ATE1: variants seen among roughly 807,000 people sequenced by gnomAD.
The protein encoded by ATE1 is arginyl-tRNA--protein transferase 1.
In ATE1, 36 loss-of-function variants were observed where a neutral mutation model predicts 70.5. The observed-to-expected ratio is 0.51, with a 90% confidence interval of 0.39 to 0.67. The LOEUF is 0.67. Among genes scored for constraint, ATE1 ranks in the 30% least tolerant of loss-of-function variants. ATE1 has a pLI of 0.00. For missense variants in ATE1, 593 were observed against 629.5 expected (o/e 0.94, Z 0.62); for synonymous variants, 232 against 219.3 (o/e 1.06, Z -0.51).
At chr10:121,858,201 T>C (rs558514147) in intron 8 of ATE1, among the ~76,000 whole-genome samples, 158 of 152,314 alleles carry the variant, frequency 1.0e-3, no homozygotes, top group Admixed American at 3.7e-3. Context: ...ACAAGTGGAA[T>C]TGCCAGATGA....
rs575175908 is a variant in ATE1 at position 121,743,795 on chromosome 10, G to C, written c.1442C>G (p.Pro481Arg). 1.2e-6 allele frequency: 2 copies of C among 1,614,062 alleles called. No individual in the cohort carries two copies. Among genetic ancestry groups the C allele is most frequent in the South Asian group, 2.2e-5 (2 of 91,082 alleles). ...LQVFHKRAIM[P>R]YGVYKKQQKD... ...CTGCTGTTTCTTATAAACACCGTAAGGCATGATGGCTCTCTTGTGAAACAC... is the reference window on the plus strand; with the variant it reads ...CTGCTGTTTCTTATAAACACCGTAACGCATGATGGCTCTCTTGTGAAACAC... Residue 481 changes from proline to arginine, a missense_variant, in exon 12 of 12, where the codon CCT becomes CGT. By Grantham distance (103) the Pro-to-Arg change is moderately radical. Around this residue, in one of 3 missense-constraint regions of ATE1, gnomAD observed 90 missense variants for 93.7 expected, o/e 0.96. Coordinates refer to ENST00000224652, the MANE Select transcript of ATE1 (RefSeq NM_001001976.3).
At chr10:121,874,637 G>C (rs7922057) in intron 7 of ATE1, among the ~76,000 whole-genome samples, 11,464 of 152,128 alleles carry the variant, frequency 0.075, 1,395 homozygotes, top group African/African-American at 0.26. Context: ...AAGCAACGTA[G>C]CAGAAAGGAT....
In ATE1 at chr10:121,819,679, CAAAAAAAAAAAAA is replaced by C. The variant is rs57035123; in HGVS notation, c.1257+17026_1257+17038del. Among the ~76,000 whole-genome samples the C allele has an allele frequency of 7.6e-5, 4 of 52,726 alleles. No individual in the cohort carries two copies. In the South Asian group the frequency reaches 4.6e-3, roughly 61 times the overall value. The allele number at this position is 52,726 out of a possible 152,430, so 34.6% of individuals were successfully genotyped here. A position where few individuals can be genotyped will look rare whatever the true frequency, so the allele number is the denominator to read the frequency against. On this transcript the variant is annotated intron_variant, in intron 10 of 11. Coordinates refer to ENST00000224652, the MANE Select transcript of ATE1 (RefSeq NM_001001976.3). ...CCTGGGTGACAGAGCAAGACTGTCT[CAAAAAAAAAAAAA>C]AAAAAAAAAGACTACACACATTGGG... is the stretch of plus-strand genomic sequence containing the variant.
intron 3 of ATE1, among the ~76,000 whole-genome samples, chr10:121,921,604 A>G (rs1431155589): frequency 2.6e-5 from 4 of 152,052 alleles, no homozygotes; most frequent in Non-Finnish European, 5.9e-5. Context: ...AAGCCTGAGT[A>G]GGCCTGAACT....
At chr10:121,809,808 G>C (rs1947246345) in intron 10 of ATE1, among the ~76,000 whole-genome samples, 1 of 151,956 alleles carries the variant, frequency 6.6e-6, no homozygotes, top group African/African-American at 2.4e-5. Context: ...CAGAAGAAGG[G>C]CTGGTGAAGA....
chr10:121,901,890 C>G (rs1950995969), intron 6 of ATE1, among the ~76,000 whole-genome samples: 5 of 152,120 alleles, frequency 3.3e-5, no homozygotes, highest in Admixed American at 3.3e-4. Context: ...GGTTTTGGCA[C>G]TAATGAGAGA....
Position 121,814,811 on chromosome 10 carries a change from A to C in ATE1, c.1257+21907T>G, listed in dbSNP as rs374504811. Among the ~76,000 whole-genome samples the C allele has an allele frequency of 9.8e-5, 15 of 152,300 alleles. No individual in the cohort carries two copies. In the South Asian group the frequency reaches 2.1e-3, roughly 21 times the overall value. ...TTCTAAACACATATATATGCACGTA[A>C]ACTTGGGTAAATCAGCTTGGTTCTA... On this transcript the variant is annotated intron_variant, in intron 10 of 11. Transcript: ENST00000224652.
chr10:121,886,995 A>G (rs537388825), intron 7 of ATE1, among the ~76,000 whole-genome samples: 55 of 152,256 alleles, frequency 3.6e-4, no homozygotes, highest in Non-Finnish European at 6.9e-4. Context: ...TCTCGAGATT[A>G]AAGTCCAGAA....
chr10:121,841,106 GAC>G lies in ATE1; in HGVS notation c.1131_1132del (p.Leu377PhefsTer15), dbSNP rs1948612901. ...CCGTAGTGCAGAGTAGACGCCCAAA[GAC>G]AAAAACGAATAATCAGGATCGTAGT... On this transcript the variant is annotated frameshift_variant, in exon 9 of 12. Transcript: ENST00000224652. LOFTEE classifies it high-confidence loss of function. 6.4e-7 allele frequency: 1 copy of G among 1,572,784 alleles called. No individual in the cohort carries two copies. Among genetic ancestry groups the G allele is most frequent in the African/African-American group, 1.4e-5 (1 of 73,862 alleles).
rs78962896 is a variant in ATE1, at chr10:121,872,638, A to G, written c.943-2600T>C. ...TTATAAAAAAATGAGACTGCAAAAT[A>G]CATTTTCTATATACACTGCAATTGA... On this transcript the variant is annotated intron_variant, in intron 7 of 11. Transcript: ENST00000224652. 7.9e-3 allele frequency among the ~76,000 whole-genome samples: 1,198 copies of G among 152,254 alleles called. 18 individuals carry two copies. Among genetic ancestry groups the G allele is most frequent in the African/African-American group, 0.028 (1,159 of 41,572 alleles).
At position 121,842,405 on chromosome 10, in the gene ATE1, A is replaced by G. The variant is rs116312039; in HGVS notation, c.976-1142T>C. ...ACTAATTCAAGTGAACAAATATAATACTACTTGTACATCATTTTCACACAG... is the reference window on the plus strand; with the variant it reads ...ACTAATTCAAGTGAACAAATATAATGCTACTTGTACATCATTTTCACACAG... On this transcript the variant is annotated intron_variant, in intron 8 of 11. Coordinates refer to ENST00000224652, the MANE Select transcript of ATE1 (RefSeq NM_001001976.3). Among the ~76,000 whole-genome samples, 1,200 of 152,292 alleles carry G rather than the reference A, an allele frequency of 7.9e-3. 18 individuals are homozygous for G. The highest frequency in any genetic ancestry group is 0.028 in the African/African-American group (1,160 of 41,564).
intron 10 of ATE1, among the ~76,000 whole-genome samples, chr10:121,799,244 C>A (rs10886988): frequency 0.62 from 94,455 of 151,652 alleles, 29,417 homozygotes; most frequent in South Asian, 0.66. Context: ...GGGTGGTGGG[C>A]ACAGGCTGCT....
intron 11 of ATE1, among the ~76,000 whole-genome samples, chr10:121,759,226 T>C (rs1944931790): frequency 2.0e-5 from 3 of 152,192 alleles, no homozygotes; most frequent in Non-Finnish European, 4.4e-5. Flanking sequence ...GCCTTATTGC[T>C]GATATGGAGA....
intron 7 of ATE1, among the ~76,000 whole-genome samples, chr10:121,882,383 A>T (rs989614138): frequency 6.6e-6 from 1 of 152,238 alleles, no homozygotes; most frequent in East Asian, 1.9e-4. Flanking sequence ...GATCTCTGAC[A>T]GTTCCTAATA....
chr10:121,750,837 A>G (rs1018222533), intron 11 of ATE1, among the ~76,000 whole-genome samples: 16 of 152,262 alleles, frequency 1.1e-4, no homozygotes, highest in African/African-American at 3.9e-4. Flanking sequence ...CTGATTTAAT[A>G]ATTTAAAATT....
intron 8 of ATE1, among the ~76,000 whole-genome samples, chr10:121,858,561 G>T (rs1341952514): frequency 6.7e-6 from 1 of 149,244 alleles, no homozygotes; most frequent in Non-Finnish European, 1.5e-5. Flanking sequence ...TACCCGAATA[G>T]TTTCTAACTA....
At chr10:121,855,579 C>T (rs912953089) in intron 8 of ATE1, among the ~76,000 whole-genome samples, 3 of 152,064 alleles carry the variant, frequency 2.0e-5, no homozygotes, top group African/African-American at 7.3e-5. Flanking sequence ...TCGAAAAAGC[C>T]GTTATTTCTC....
At chr10:121,895,473 G>A (rs1950744460) in intron 7 of ATE1, among the ~76,000 whole-genome samples, 1 of 151,912 alleles carries the variant, frequency 6.6e-6, no homozygotes, top group Non-Finnish European at 1.5e-5. Context: ...AATTAGGCAG[G>A]TGTGGTGGTG....
intron 10 of ATE1, among the ~76,000 whole-genome samples, chr10:121,801,397 A>C (rs1946872915): frequency 6.6e-6 from 1 of 152,176 alleles, no homozygotes; most frequent in Non-Finnish European, 1.5e-5. Context: ...ACCCTGAGTT[A>C]ATCTTTTTTC....
Sources: allele counts gnomAD v4.1 joint callset (sites outside exome capture counted in the v4.1 genomes callset), GRCh38; gene constraint gnomAD v4.1.1; regional missense constraint gnomAD v4.1.1; transcripts MANE v1.5; gene names NCBI Gene and HGNC (gene_info 2026-07-23, HGNC 2026-07-21).